PTPRT: variants seen among roughly 807,000 people sequenced by gnomAD.
PTPRT encodes protein tyrosine phosphatase receptor type T.
In PTPRT, 56 loss-of-function variants were observed where a neutral mutation model predicts 176.8. The observed-to-expected ratio is 0.32, with a 90% CI of 0.26 to 0.40. The LOEUF (loss-of-function observed/expected upper bound fraction) is 0.40. Among genes scored for constraint, PTPRT ranks in the 10% least tolerant of loss-of-function variants. The pLI, the probability that PTPRT is intolerant of heterozygous loss-of-function variation, is 1.00. For synonymous variants in PTPRT, 783 were observed against 739.0 expected, an observed-to-expected ratio of 1.06 and a Z score of -0.96; for missense variants, 1,540 against 1,908.2, an observed-to-expected ratio of 0.81 and a Z score of 3.60.
chr20:42,241,021 T>C lies in PTPRT; in HGVS notation c.2313-4763A>G, dbSNP rs375661873. Among the ~76,000 whole-genome samples the C allele has an allele frequency of 1.4e-4, 22 of 152,320 alleles. No homozygotes were observed. The South Asian group carries it at 4.6e-3, about 32-fold the overall frequency. ...ACCTTATGAGGCATTATTATCCCTGTTTACAGATGAGTAAAGTGAGGCTCA... is the reference window on the plus strand; with the variant it reads ...ACCTTATGAGGCATTATTATCCCTGCTTACAGATGAGTAAAGTGAGGCTCA... On this transcript the variant is annotated intron_variant, in intron 14 of 30. Coordinates refer to ENST00000373187, the MANE Select transcript of PTPRT (RefSeq NM_007050.6).
chr20:42,940,819 T>C (rs996021524), intron 1 of PTPRT, among the ~76,000 whole-genome samples: 5 of 152,134 alleles, frequency 3.3e-5, no homozygotes, highest in African/African-American at 1.2e-4. Context: ...CGGTGGCTCA[T>C]GCCTGTAATC....
At chr20:42,700,415 CAG>C (rs971084539) in intron 6 of PTPRT, among the ~76,000 whole-genome samples, 41 of 151,102 alleles carry the variant, frequency 2.7e-4, no homozygotes, top group African/African-American at 9.2e-4. Flanking sequence ...GCTTAGGAAA[CAG>C]ACGCAGAGCG....
At chr20:43,006,733 T>G (rs1013465029) in intron 1 of PTPRT, among the ~76,000 whole-genome samples, 25 of 152,332 alleles carry the variant, frequency 1.6e-4, no homozygotes, top group African/African-American at 5.8e-4. Flanking sequence ...TAAATTACTA[T>G]TGGTCCTACA....
At chr20:42,473,557 C>T (rs2071236306) in intron 7 of PTPRT, among the ~76,000 whole-genome samples, 1 of 152,152 alleles carries the variant, frequency 6.6e-6, no homozygotes, top group Admixed American at 6.5e-5. Context: ...TTCATCCCAG[C>T]CTCAAACTCC....
intron 5 of PTPRT, among the ~76,000 whole-genome samples, chr20:42,768,702 T>G (rs1337765332): frequency 6.6e-6 from 1 of 152,240 alleles, no homozygotes; most frequent in Non-Finnish European, 1.5e-5. Flanking sequence ...GTTGTCCCAC[T>G]TTTAATTTAT....
At chr20:42,372,459 AT>A (rs34891790) in intron 9 of PTPRT, among the ~76,000 whole-genome samples, 1 of 151,342 alleles carries the variant, frequency 6.6e-6, no homozygotes, top group South Asian at 2.1e-4. Flanking sequence ...AAATTTGTAT[AT>A]TTTCAGTAGA....
chr20:42,785,677 G>C (rs1256715972), intron 3 of PTPRT, among the ~76,000 whole-genome samples: 3 of 152,194 alleles, frequency 2.0e-5, no homozygotes, highest in Non-Finnish European at 4.4e-5. Context: ...GGCTGTAGTA[G>C]CCAATAAGGT....
At chr20:43,022,650 G>A (rs1434010607) in intron 1 of PTPRT, among the ~76,000 whole-genome samples, 1 of 152,190 alleles carries the variant, frequency 6.6e-6, no homozygotes, top group African/African-American at 2.4e-5. Context: ...AGGCAGAGAG[G>A]ACCTGCATTA....
rs35978863 is a variant in PTPRT at position 42,239,413 on chromosome 20, C to CTTTTT, written c.2313-3160_2313-3156dup. 4.6e-3 allele frequency among the ~76,000 whole-genome samples: 377 copies of CTTTTT among 81,232 alleles called. 1 individual carries two copies. Among genetic ancestry groups the CTTTTT allele is most frequent in the African/African-American group, 8.6e-3 (189 of 21,986 alleles). The allele number at this position is 81,232 out of a possible 152,430, so 53.3% of individuals were successfully genotyped here. A position where few individuals can be genotyped will look rare whatever the true frequency, so the allele number is the denominator to read the frequency against. Reference sequence around the variant, plus strand: ...ATAAAGCTTGTAGCTCATTTTCTTTCTTTTTTTTTTTTTTTTTTTTTTTTT... The same window carrying CTTTTT: ...ATAAAGCTTGTAGCTCATTTTCTTTCTTTTTTTTTTTTTTTTTTTTTTTTTTTTTT... On this transcript the variant is annotated intron_variant, in intron 14 of 30. Transcript: ENST00000373187.
intron 7 of PTPRT, among the ~76,000 whole-genome samples, chr20:42,644,678 C>G (rs986050557): frequency 6.6e-6 from 1 of 152,096 alleles, no homozygotes; most frequent in African/African-American, 2.4e-5. Context: ...TTCAGTGTAA[C>G]CCCAGAGCCT....
chr20:43,056,296 CCACT>C (rs1987229379), intron 1 of PTPRT, among the ~76,000 whole-genome samples: 1 of 152,174 alleles, frequency 6.6e-6, no homozygotes. Flanking sequence ...ATCCTTCCAC[CCACT>C]CTCATCCCAC....
intron 7 of PTPRT, among the ~76,000 whole-genome samples, chr20:42,585,001 T>A (rs540791461): frequency 2.6e-4 from 39 of 152,324 alleles, no homozygotes; most frequent in Non-Finnish European, 4.9e-4. Flanking sequence ...CTGCTAGGGA[T>A]GTGTAAGAGT....
In PTPRT at chr20:43,083,320, G is replaced by GTGTATATATATATATATATA. The variant is rs1299320498; in HGVS notation, c.88+106325_88+106326insTATATATATATATATATACA. On this transcript the variant is annotated intron_variant, in intron 1 of 30. Coordinates refer to ENST00000373187, the MANE Select transcript of PTPRT (RefSeq NM_007050.6). ...ACCATAAGATTCACCCACTTCAAAT[G>GTGTATATATATATATATATA]TATATATATATATATATATATATAT... Among the ~76,000 whole-genome samples, 4 of 37,386 alleles carry GTGTATATATATATATATATA rather than the reference G, an allele frequency of 1.1e-4. 1 individual carries two copies. The highest frequency in any genetic ancestry group is 3.3e-4 in the Admixed American group (1 of 2,998). 24.5% of individuals were successfully genotyped at this position (37,386 alleles called of 152,430 possible).
intron 12 of PTPRT, among the ~76,000 whole-genome samples, chr20:42,295,439 C>G (rs1916997317): frequency 6.6e-6 from 1 of 152,148 alleles, no homozygotes; most frequent in African/African-American, 2.4e-5. Context: ...CTGTACTTGT[C>G]TTTCTTGAAG....
intron 7 of PTPRT, among the ~76,000 whole-genome samples, chr20:42,529,018 T>C (rs892392957): frequency 1.3e-5 from 2 of 152,204 alleles, no homozygotes; most frequent in South Asian, 2.1e-4. Flanking sequence ...TGAACCATTG[T>C]ATGCTTCCTG....
intron 9 of PTPRT, among the ~76,000 whole-genome samples, chr20:42,370,604 G>T (rs1382123299): frequency 6.6e-6 from 1 of 152,166 alleles, no homozygotes; most frequent in Non-Finnish European, 1.5e-5. Context: ...TTTCTCTTCT[G>T]TTAAATGGAG....
intron 7 of PTPRT, among the ~76,000 whole-genome samples, chr20:42,475,969 C>A (rs1427086935): frequency 6.6e-6 from 1 of 152,170 alleles, no homozygotes; most frequent in African/African-American, 2.4e-5. Context: ...TACAGTGCTG[C>A]TGACTAGAGC....
At chr20:42,603,918 AG>A in intron 7 of PTPRT, among the ~76,000 whole-genome samples, 1 of 152,308 alleles carries the variant, frequency 6.6e-6, no homozygotes, top group East Asian at 1.9e-4. Flanking sequence ...GGGCTCCCTT[AG>A]AAAATCCAGA....
chr20:42,638,956 C>T (rs2074673367), intron 7 of PTPRT, among the ~76,000 whole-genome samples: 1 of 152,068 alleles, frequency 6.6e-6, no homozygotes, highest in African/African-American at 2.4e-5. Context: ...GAAAAAAAAT[C>T]TCTTGCAACA....
Sources: gnomAD v4.1 joint callset for allele counts (sites outside exome capture counted in the v4.1 genomes callset) on GRCh38, gnomAD v4.1.1 for gene constraint, MANE v1.5 for transcripts, NCBI Gene and HGNC (gene_info 2026-07-23, HGNC 2026-07-21) for gene names.